LRP6: variants seen among roughly 807,000 people sequenced by gnomAD.
The protein encoded by LRP6 is low-density lipoprotein receptor-related protein 6.
A neutral mutation model predicts 184.1 loss-of-function variants in LRP6; 43 were observed. The observed-to-expected ratio is 0.23, with a 90% confidence interval of 0.18 to 0.30. The LOEUF is 0.30. Among genes scored for constraint, LRP6 ranks in the 10% least tolerant of loss-of-function variants. The pLI is 1.00. For missense variants in LRP6, 1,571 were observed against 2,005.3 expected (o/e 0.78, Z 4.14); for synonymous variants, 719 against 684.9 (o/e 1.05, Z -0.78).
chr12:12,264,542 C>T (rs186086622), intron 1 of LRP6, among the ~76,000 whole-genome samples: 20 of 152,262 alleles, frequency 1.3e-4, no homozygotes, highest in African/African-American at 4.6e-4. Context: ...GAAGGTCTCC[C>T]AGACTCTCAC....
chr12:12,230,236 C>G (rs1329143609), intron 2 of LRP6, among the ~76,000 whole-genome samples: 3 of 152,174 alleles, frequency 2.0e-5, no homozygotes, highest in Non-Finnish European at 4.4e-5. Flanking sequence ...GATAATAAGA[C>G]TAGACACACA....
chr12:12,190,275 C>G (rs1444098603), intron 3 of LRP6, among the ~76,000 whole-genome samples: 1 of 152,172 alleles, frequency 6.6e-6, no homozygotes, highest in Middle Eastern at 3.2e-3. Context: ...ACACAAGTTA[C>G]TTCAAGGAGG....
intron 19 of LRP6, among the ~76,000 whole-genome samples, chr12:12,127,499 G>C (rs1010774735): frequency 4.6e-5 from 7 of 152,176 alleles, no homozygotes; most frequent in Non-Finnish European, 8.8e-5. Context: ...CCCCTATGCT[G>C]CTGGCCTTCA....
At position 12,198,311 on chromosome 12, in the gene LRP6, T is replaced by G. The variant is rs115809851; in HGVS notation, c.647+4892A>C. 3.0e-3 allele frequency among the ~76,000 whole-genome samples: 464 copies of G among 152,270 alleles called. 3 individuals carry two copies. Among genetic ancestry groups the G allele is most frequent in the African/African-American group, 0.011 (437 of 41,556 alleles). On this transcript the variant is annotated intron_variant, in intron 3 of 22. Coordinates refer to ENST00000261349, the MANE Select transcript of LRP6 (RefSeq NM_002336.3). ...TTTCCAAAGAGTCTTATTATCTGTA[T>G]GTTGTTTCTTCTTTGCCTATCTTCA...
chr12:12,171,287 A>C (rs1030045530), intron 7 of LRP6, among the ~76,000 whole-genome samples: 6 of 152,060 alleles, frequency 3.9e-5, no homozygotes, highest in South Asian at 2.1e-4. Context: ...GAGGCCAAGG[A>C]GGGCGGATCA....
intron 3 of LRP6, among the ~76,000 whole-genome samples, chr12:12,194,721 T>G (rs1863708648): frequency 6.6e-6 from 1 of 152,124 alleles, no homozygotes; most frequent in South Asian, 2.1e-4. Flanking sequence ...ACATTTAACA[T>G]TTCTGTGTTG....
At position 12,155,660 on chromosome 12, in the gene LRP6, C is replaced by T. The variant is rs1950142099; in HGVS notation, c.2791+3169G>A. The T allele has an allele frequency of 1.2e-5, 12 of 971,142 alleles. No homozygotes were observed. In the South Asian group the frequency reaches 1.3e-4, roughly 10 times the overall value. The allele number at this position is 971,142 out of a possible 1,614,324, so 60.2% of individuals were successfully genotyped here. A position where few individuals can be genotyped will look rare whatever the true frequency, so the allele number is the denominator to read the frequency against. ...AAGAAAGAAGCCAAAGAGAAAGGTA[C>T]CTGGGTTCAACTGAAGCGCCAGCCT... On this transcript the variant is annotated intron_variant, in intron 12 of 22. Coordinates refer to ENST00000261349, the MANE Select transcript of LRP6 (RefSeq NM_002336.3).
At chr12:12,180,567 T>C (rs562039078) in intron 6 of LRP6, among the ~76,000 whole-genome samples, 15 of 152,048 alleles carry the variant, frequency 9.9e-5, no homozygotes, top group African/African-American at 3.6e-4. Flanking sequence ...CAGGGTGGCA[T>C]GGCAAAACAA....
At chr12:12,254,520 T>C (rs139828964) in intron 1 of LRP6, among the ~76,000 whole-genome samples, 14 of 152,166 alleles carry the variant, frequency 9.2e-5, no homozygotes, top group African/African-American at 2.7e-4. Flanking sequence ...TAAACACTTA[T>C]CTTTTTCTCC....
chr12:12,238,205 C>A, intron 2 of LRP6, among the ~76,000 whole-genome samples: 1 of 144,412 alleles, frequency 6.9e-6, no homozygotes. Flanking sequence ...AATTTTGTAT[C>A]TAGATGGCAG....
chr12:12,148,594 G>A (rs1259013845), intron 14 of LRP6, among the ~76,000 whole-genome samples: 1 of 152,164 alleles, frequency 6.6e-6, no homozygotes, highest in Non-Finnish European at 1.5e-5. Context: ...AACTTAGAGA[G>A]GCACAGATAC....
At chr12:12,191,420 T>C (rs1223598657) in intron 3 of LRP6, among the ~76,000 whole-genome samples, 1 of 152,162 alleles carries the variant, frequency 6.6e-6, no homozygotes, top group African/African-American at 2.4e-5. Context: ...TAAACACATA[T>C]ACATAGACAT....
intron 2 of LRP6, among the ~76,000 whole-genome samples, chr12:12,241,255 A>G (rs1865057514): frequency 6.6e-6 from 1 of 152,150 alleles, no homozygotes. Flanking sequence ...TTTCCTCAGC[A>G]CTGTTTTCAT....
intron 1 of LRP6, among the ~76,000 whole-genome samples, chr12:12,265,004 T>C (rs1340913112): frequency 6.6e-6 from 1 of 152,186 alleles, no homozygotes; most frequent in Non-Finnish European, 1.5e-5. Flanking sequence ...GGCATTTACA[T>C]CACACGCTTC....
chr12:12,243,383 A>G (rs1424502311), intron 2 of LRP6, among the ~76,000 whole-genome samples: 2 of 152,200 alleles, frequency 1.3e-5, no homozygotes. Flanking sequence ...CTGACATTAA[A>G]TAACGCTTCA....
Position 12,179,933 on chromosome 12 carries a change from T to G in LRP6, c.1422A>C (p.Ala474=). 2 of 1,613,950 alleles carry G rather than the reference T, an allele frequency of 1.2e-6. No individual in the cohort carries two copies. The highest frequency in any genetic ancestry group is 1.7e-6 in the Non-Finnish European group (2 of 1,179,884). The part of the protein sequence containing the change: ...DWGEIPKIER[A]ALDGSDRVVL... ...CTACACGGTCAGAACCATCCAGAGC[T>G]GCTCGCTCAATTTTCGGAATTTCTC... Residue 474 remains alanine (A), a synonymous_variant, in exon 7 of 23, where the codon GCA becomes GCC. Coordinates refer to ENST00000261349, the MANE Select transcript of LRP6 (RefSeq NM_002336.3).
chr12:12,205,344 AAAAAAAAAAAAAG>A (rs1864029462), intron 2 of LRP6, among the ~76,000 whole-genome samples: 2 of 147,354 alleles, frequency 1.4e-5, no homozygotes, highest in African/African-American at 5.2e-5. Flanking sequence ...AAAAAAAAAA[AAAAAAAAAAAAAG>A]AGGTAATGAG....
intron 7 of LRP6, among the ~76,000 whole-genome samples, chr12:12,174,101 A>C (rs1274268086): frequency 6.6e-6 from 1 of 151,940 alleles, no homozygotes; most frequent in Admixed American, 6.6e-5. Flanking sequence ...TCTCAAACTG[A>C]AGTATAATCA....
intron 22 of LRP6, 130 bp downstream of exon 22, chr12:12,124,435 G>A: frequency 1.4e-6 from 1 of 719,348 alleles, no homozygotes. Flanking sequence ...GGCAATGTCA[G>A]TACTATCAAG....
Sources: allele counts gnomAD v4.1 joint callset (sites outside exome capture counted in the v4.1 genomes callset), GRCh38; gene constraint gnomAD v4.1.1; transcripts MANE v1.5; gene names NCBI Gene and HGNC (gene_info 2026-07-23, HGNC 2026-07-21).